Variants in PCNX2 observed in about 807,000 individuals in gnomAD.
The protein encoded by PCNX2 is pecanex-like protein 2.
Under a neutral mutation model 223.8 loss-of-function variants are expected in PCNX2, and 168 were observed. The ratio of observed to expected loss-of-function variants is 0.75; its 90% confidence interval spans 0.66 to 0.85. PCNX2 has a LOEUF of 0.85. Ranked by LOEUF, PCNX2 falls within the 40% of genes least tolerant of loss-of-function variation. The probability of loss-of-function intolerance (pLI) is 0.00; values close to 1 mark genes in which losing one functional copy is unlikely to be tolerated. For synonymous variants in PCNX2, 1,006 were observed against 1,052.6 expected, an observed-to-expected ratio of 0.96 and a Z score of 0.86; for missense variants, 2,507 against 2,675.5, an observed-to-expected ratio of 0.94 and a Z score of 1.39.
chr1:233,082,210 T>A (rs891114440), intron 23 of PCNX2, among the ~76,000 whole-genome samples: 1 of 152,168 alleles, frequency 6.6e-6, no homozygotes, highest in Non-Finnish European at 1.5e-5. Context: ...GAGTGAATGT[T>A]AGGACTGGAA....
intron 25 of PCNX2, among the ~76,000 whole-genome samples, chr1:233,039,461 T>C (rs970066511): frequency 1.3e-5 from 2 of 152,230 alleles, no homozygotes; most frequent in Non-Finnish European, 2.9e-5. Flanking sequence ...AATATTTTGA[T>C]AATATAAGTA....
At chr1:233,277,853 GA>G (rs1248834741) in intron 1 of PCNX2, among the ~76,000 whole-genome samples, 1 of 152,148 alleles carries the variant, frequency 6.6e-6, no homozygotes, top group East Asian at 1.9e-4. Flanking sequence ...GACTTGAAGA[GA>G]AGACCCATAT....
At chr1:233,083,474 C>A (rs993447934) in intron 23 of PCNX2, among the ~76,000 whole-genome samples, 1 of 152,142 alleles carries the variant, frequency 6.6e-6, no homozygotes. Context: ...GGCACAAGAT[C>A]CGCTCCACCA....
intron 28 of PCNX2, among the ~76,000 whole-genome samples, chr1:233,003,999 T>C (rs530063916): frequency 1.8e-4 from 28 of 151,840 alleles, no homozygotes; most frequent in Middle Eastern, 6.8e-3. Flanking sequence ...CCGGGGCCTG[T>C]TGGAGGGTGA....
intron 25 of PCNX2, 166 bp from the exon 26 acceptor site, chr1:233,025,565 C>T: frequency 2.5e-6 from 2 of 790,056 alleles, no homozygotes; most frequent in Non-Finnish European, 3.9e-6. Flanking sequence ...TCACAATTCT[C>T]ATAATCATGA....
chr1:233,025,630 G>A (rs1318586277), intron 25 of PCNX2: 15 of 575,868 alleles, frequency 2.6e-5, no homozygotes, highest in Non-Finnish European at 3.6e-5. Flanking sequence ...ATATTTAAAC[G>A]ATTTAAAAAT....
intron 1 of PCNX2, among the ~76,000 whole-genome samples, chr1:233,280,021 T>C (rs1661108093): frequency 6.6e-6 from 1 of 152,224 alleles, no homozygotes; most frequent in Non-Finnish European, 1.5e-5. Flanking sequence ...ATGCTTCATC[T>C]TTCCCTCCTT....
chr1:233,043,755 G>A (rs1348689668), intron 25 of PCNX2, among the ~76,000 whole-genome samples: 2 of 129,242 alleles, frequency 1.5e-5, no homozygotes, highest in African/African-American at 5.9e-5. Context: ...TTTTATGGCT[G>A]CATAGTATTC....
intron 19 of PCNX2, among the ~76,000 whole-genome samples, chr1:233,146,836 T>C (rs1282097285): frequency 6.6e-6 from 1 of 152,234 alleles, no homozygotes; most frequent in African/African-American, 2.4e-5. Context: ...CATTTACTTT[T>C]AGAAAATGAC....
In PCNX2 at chr1:233,001,828, C is replaced by T. The variant is rs1670099179; in HGVS notation, c.4953-147G>A. 1 of 743,644 alleles carries T rather than the reference C, an allele frequency of 1.3e-6. No homozygotes were observed. The highest frequency in any genetic ancestry group is 1.9e-6 in the Non-Finnish European group (1 of 517,382). 46.1% of individuals were successfully genotyped at this position (743,644 alleles called of 1,614,324 possible). A position where few individuals can be genotyped will look rare whatever the true frequency, so the allele number is the denominator to read the frequency against. On this transcript the variant is annotated intron_variant, in intron 28 of 33. Transcript: ENST00000258229. This position sits in a 1 kb window ranked among gnomAD's most constrained non-coding sequence, Gnocchi z 4.2. ...GAAGATAACAGGACTCATCCCAGTG[C>T]ACCTAGTGCCTACCCCTACAGCCCA...
chr1:233,222,105 T>C (rs145350940), intron 10 of PCNX2, among the ~76,000 whole-genome samples: 54 of 151,130 alleles, frequency 3.6e-4, no homozygotes, highest in African/African-American at 1.2e-3. Context: ...GGTGAGGGAG[T>C]TGGCACTGCA....
At chr1:233,248,638 A>G (rs2102982672) in intron 8 of PCNX2, among the ~76,000 whole-genome samples, 1 of 152,258 alleles carries the variant, frequency 6.6e-6, no homozygotes, top group East Asian at 1.9e-4. Flanking sequence ...AAGACTGTTC[A>G]GTTACATCAC....
At position 233,163,520 on chromosome 1, in the gene PCNX2, A is replaced by G. The variant is rs1370710084; in HGVS notation, c.3274-2157T>C. On this transcript the variant is annotated intron_variant, in intron 17 of 33. Coordinates refer to ENST00000258229, the MANE Select transcript of PCNX2 (RefSeq NM_014801.4). ...AAAGTATACAACTTAACAAGTTTATATGTATATTTTACATGTATAAATTAT... is the reference window on the plus strand; with the variant it reads ...AAAGTATACAACTTAACAAGTTTATGTGTATATTTTACATGTATAAATTAT... Among the ~76,000 whole-genome samples the G allele has an allele frequency of 4.6e-5, 7 of 151,928 alleles. No individual in the cohort carries two copies. The South Asian group carries it at 1.3e-3, about 27-fold the overall frequency.
At chr1:233,069,719 A>G (rs1672767238) in intron 23 of PCNX2, among the ~76,000 whole-genome samples, 2 of 152,178 alleles carry the variant, frequency 1.3e-5, no homozygotes, top group Admixed American at 1.3e-4. Context: ...AAAGATATCA[A>G]GATTTGTCGA....
At chr1:233,130,173 C>T (rs553620643) in intron 21 of PCNX2, among the ~76,000 whole-genome samples, 51 of 152,208 alleles carry the variant, frequency 3.4e-4, no homozygotes, top group African/African-American at 1.0e-3. Context: ...CGAACACATC[C>T]GAACATCGGA....
At chr1:233,039,267 C>T (rs1284163866) in intron 25 of PCNX2, among the ~76,000 whole-genome samples, 2 of 152,078 alleles carry the variant, frequency 1.3e-5, no homozygotes, top group Non-Finnish European at 2.9e-5. Flanking sequence ...CTGTTCCTTC[C>T]CTCTCAAGCA....
intron 8 of PCNX2, chr1:233,241,445 G>A (rs968134089): frequency 9.1e-6 from 8 of 879,660 alleles, no homozygotes; most frequent in East Asian, 1.2e-4. Flanking sequence ...TTTCTAATAC[G>A]TCTAAGAAAA....
At chr1:233,078,981 T>C (rs887934226) in intron 23 of PCNX2, among the ~76,000 whole-genome samples, 4 of 152,170 alleles carry the variant, frequency 2.6e-5, no homozygotes, top group African/African-American at 9.7e-5. Context: ...ATTTGGCTTC[T>C]CAGAAGTAAC....
At chr1:233,069,926 C>T (rs901397601) in intron 23 of PCNX2, among the ~76,000 whole-genome samples, 1 of 151,830 alleles carries the variant, frequency 6.6e-6, no homozygotes, top group Non-Finnish European at 1.5e-5. Context: ...ATCAAAGAGC[C>T]AAAGAGCTGG....
Sources: gnomAD v4.1 joint callset for allele counts (sites outside exome capture counted in the v4.1 genomes callset) on GRCh38, gnomAD v4.1.1 for gene constraint, Gnocchi (gnomAD v3.1) non-coding constraint, MANE v1.5 for transcripts, NCBI Gene and HGNC (gene_info 2026-07-23, HGNC 2026-07-21) for gene names.